The following CA8 variants were observed in gnomAD, a reference collection of about 807,000 sequenced individuals.
The protein encoded by CA8 is carbonic anhydrase-related protein.
CA8 carries 22 observed loss-of-function variants against 41.4 expected under a neutral mutation model. The ratio of observed to expected loss-of-function variants is 0.53; its 90% CI spans 0.38 to 0.76. CA8 has a LOEUF of 0.76. CA8 is among the 30% of genes least tolerant of loss of function. The probability of loss-of-function intolerance (pLI) is 0.00; values close to 1 mark genes in which losing one functional copy is unlikely to be tolerated. For missense variants in CA8, 270 were observed against 352.8 expected (o/e 0.77, Z 1.88); for synonymous variants, 121 against 130.6 (o/e 0.93, Z 0.50).
chr8:60,279,599 C>A, intron 2 of CA8, 90 bp downstream of exon 2: 1 of 1,149,730 alleles, frequency 8.7e-7, no homozygotes, highest in Non-Finnish European at 1.3e-6. Context: ...GTCAGTTGTA[C>A]TTTTTAAATT....
chr8:60,222,602 G>A lies in CA8; in HGVS notation c.738+47C>T, dbSNP rs953242309. ...GACATTTTCCTTTCTCAGAAACAAT[G>A]TTTAACTCAGAACTTCACTCTGAAA... On this transcript the variant is annotated intron_variant, in intron 7 of 8. Transcript: ENST00000317995. 3 of 1,177,384 alleles carry A rather than the reference G, an allele frequency of 2.5e-6. No homozygotes were observed. The African/African-American group carries it at 4.5e-5, about 18-fold the overall frequency. The allele number at this position is 1,177,384 out of a possible 1,614,324, so 72.9% of individuals were successfully genotyped here.
chr8:60,222,829 A>C (rs1807298800), intron 6 of CA8, 68 bp from the exon 7 acceptor site: 2 of 935,680 alleles, frequency 2.1e-6, no homozygotes, highest in Non-Finnish European at 3.5e-6. Context: ...TGACTCCAAC[A>C]ACAATTTTCA....
intron 8 of CA8, among the ~76,000 whole-genome samples, chr8:60,201,718 T>C (rs1207687327): frequency 6.6e-6 from 1 of 152,116 alleles, no homozygotes; most frequent in Non-Finnish European, 1.5e-5. Context: ...AAGATAAATA[T>C]GACGTTCACA....
chr8:60,208,986 A>G (rs1806738167), intron 7 of CA8, 67 bp from the exon 8 acceptor site: 1 of 1,472,830 alleles, frequency 6.8e-7, no homozygotes, highest in Non-Finnish European at 9.5e-7. Flanking sequence ...GGAGTTTCAT[A>G]AATGACATGC....
At chr8:60,267,138 G>A (rs140830371) in intron 2 of CA8, among the ~76,000 whole-genome samples, 1 of 152,318 alleles carries the variant, frequency 6.6e-6, no homozygotes, top group East Asian at 1.9e-4. Context: ...TACTTGTTTG[G>A]TTGGTTCTTC....
Position 60,221,381 on chromosome 8 carries a change from A to G in CA8, c.738+1268T>C, listed in dbSNP as rs74805397. Among the ~76,000 whole-genome samples the G allele has an allele frequency of 2.3e-3, 358 of 152,356 alleles. 1 individual carries two copies. Among genetic ancestry groups the G allele is most frequent in the Middle Eastern group, 0.01 (3 of 294 alleles). ...TTTAATCTTGTTATCTTCTGTGTCC[A>G]GTTAGCATTCAGGAAGGGTTTCTTT... On this transcript the variant is annotated intron_variant, in intron 7 of 8. Coordinates refer to ENST00000317995, the MANE Select transcript of CA8 (RefSeq NM_004056.6).
chr8:60,272,561 A>G lies in CA8; in HGVS notation c.293-6512T>C, dbSNP rs180816001. ...CCTCATACAACCTCTAGAACTTTCC[A>G]TATCTTATCCTTTGTGCAAGCTGTC... On this transcript the variant is annotated intron_variant, in intron 2 of 8. Transcript: ENST00000317995. 6.6e-5 allele frequency among the ~76,000 whole-genome samples: 10 copies of G among 152,254 alleles called. No individual in the cohort carries two copies. The East Asian group carries it at 1.9e-3, about 29-fold the overall frequency.
intron 3 of CA8, among the ~76,000 whole-genome samples, chr8:60,249,310 A>T (rs1027562424): frequency 6.6e-6 from 1 of 152,190 alleles, no homozygotes; most frequent in African/African-American, 2.4e-5. Flanking sequence ...GGCCACATAA[A>T]CCGACAGTGG....
At chr8:60,268,832 G>A (rs1021306787) in intron 2 of CA8, among the ~76,000 whole-genome samples, 4 of 151,632 alleles carry the variant, frequency 2.6e-5, no homozygotes, top group African/African-American at 9.7e-5. Context: ...TTACTACACA[G>A]GTTTATTAAC....
At position 60,266,020 on chromosome 8, in the gene CA8, G is replaced by T. The variant is rs1348282972; in HGVS notation, c.322C>A (p.His108Asn). 2.5e-6 allele frequency: 4 copies of T among 1,613,346 alleles called. No homozygotes were observed. The highest frequency in any genetic ancestry group is 3.4e-6 in the Non-Finnish European group (4 of 1,179,462). Residue 108 changes from histidine (H) to asparagine (N), a missense_variant, in exon 3 of 9, where the codon CAT (histidine) becomes AAT (asparagine). Physicochemically the swap from His to Asn is moderately conservative, Grantham distance 68 (BLOSUM62 1). Around this residue, in one of 3 missense-constraint regions of CA8, gnomAD observed 123 missense variants for 136.8 expected, o/e 0.90. Transcript: ENST00000317995. ...CTCACTTCGTACAGTTCAAATTCAT[G>T]CCCTTGAGGCAATGGTCCTCCCGAA... ...VLSGGPLPQG[H>N]EFELYEVRFH...
intron 3 of CA8, among the ~76,000 whole-genome samples, chr8:60,255,197 G>A (rs1336537939): frequency 6.6e-6 from 1 of 152,110 alleles, no homozygotes; most frequent in African/African-American, 2.4e-5. Flanking sequence ...TGAAATCTGA[G>A]CTACTCTTAG....
At chr8:60,200,514 T>A (rs1390635231) in intron 8 of CA8, among the ~76,000 whole-genome samples, 1 of 152,170 alleles carries the variant, frequency 6.6e-6, no homozygotes, top group Non-Finnish European at 1.5e-5. Context: ...TATATATAAA[T>A]GAGATAAAAA....
chr8:60,232,247 T>A, intron 4 of CA8, 37 bp downstream of exon 4: 2 of 1,459,826 alleles, frequency 1.4e-6, no homozygotes, highest in South Asian at 1.1e-5. Context: ...GAAATTAGCA[T>A]CTCTAAACAA....
intron 1 of CA8, among the ~76,000 whole-genome samples, chr8:60,280,349 G>A (rs6998507): frequency 0.018 from 2,775 of 151,828 alleles, 68 homozygotes; most frequent in African/African-American, 0.063. Flanking sequence ...GTGTGCATAT[G>A]TATATATCTG....
intron 3 of CA8, among the ~76,000 whole-genome samples, chr8:60,238,037 G>A (rs1807893356): frequency 6.6e-6 from 1 of 152,164 alleles, no homozygotes; most frequent in African/African-American, 2.4e-5. Flanking sequence ...TTTTGCTACA[G>A]GACTCACAAC....
At chr8:60,228,049 C>T (rs762519963) in intron 4 of CA8, among the ~76,000 whole-genome samples, 3 of 152,166 alleles carry the variant, frequency 2.0e-5, no homozygotes, top group Non-Finnish European at 4.4e-5. Context: ...TAAGAGAAGC[C>T]AGAGTAGCTG....
chr8:60,258,355 AAACG>A (rs1803618486), intron 3 of CA8, among the ~76,000 whole-genome samples: 1 of 152,146 alleles, frequency 6.6e-6, no homozygotes, highest in Admixed American at 6.5e-5. Context: ...GTATAGGAAA[AAACG>A]AACTATTAAT....
chr8:60,208,112 T>A (rs758153144), intron 8 of CA8: 16 of 152,448 alleles, frequency 1.0e-4, no homozygotes, highest in African/African-American at 2.9e-4. Flanking sequence ...GTTTGTGATA[T>A]TTTATTTTGT....
rs1804366329 is a variant in CA8 at position 60,280,213 on chromosome 8, G to C, written c.101-333C>G. Among the ~76,000 whole-genome samples the C allele has an allele frequency of 2.0e-5, 3 of 152,128 alleles. No individual in the cohort carries two copies. In the South Asian group the frequency reaches 6.2e-4, roughly 31 times the overall value. ...CCAGAACAATTTCTTCTGCTTATTA[G>C]TTCAATTACGTTCAGTACCTGGGAA... On this transcript the variant is annotated intron_variant, in intron 1 of 8. Coordinates refer to ENST00000317995, the MANE Select transcript of CA8 (RefSeq NM_004056.6).
Sources: allele counts gnomAD v4.1 joint callset (sites outside exome capture counted in the v4.1 genomes callset), GRCh38; gene constraint gnomAD v4.1.1; regional missense constraint gnomAD v4.1.1; transcripts MANE v1.5; gene names NCBI Gene and HGNC (gene_info 2026-07-23, HGNC 2026-07-21).